DYNC2I2: variants seen among roughly 807,000 people sequenced by gnomAD.
DYNC2I2 encodes cytoplasmic dynein 2 intermediate chain 2.
Under a neutral mutation model 52.0 loss-of-function variants are expected in DYNC2I2, and 39 were observed. The observed-to-expected ratio is 0.75, with a 90% CI of 0.58 to 0.98. The LOEUF (loss-of-function observed/expected upper bound fraction) is 0.98, where lower values mean the gene tolerates loss of function less well. Among genes scored for constraint, DYNC2I2 ranks in the 50% least tolerant of loss-of-function variants. DYNC2I2 has a pLI of 0.00. For synonymous variants in DYNC2I2, 359 were observed against 321.1 expected, an observed-to-expected ratio of 1.12 and a Z score of -1.26; for missense variants, 743 against 728.4, an observed-to-expected ratio of 1.02 and a Z score of -0.23.
chr9:128,638,065 C>T lies in DYNC2I2; in HGVS notation c.436-1038G>A, dbSNP rs533196876. ...CAGTGTAGGCAAGATGGTGAAACCC[C>T]GTCTCTACCAAAAATACAAAAATTA... On this transcript the variant is annotated intron_variant, in intron 2 of 8. Coordinates refer to ENST00000372715, the MANE Select transcript of DYNC2I2 (RefSeq NM_052844.4). Among the ~76,000 whole-genome samples, 5 of 151,838 alleles carry T rather than the reference C, an allele frequency of 3.3e-5. No individual in the cohort carries two copies. In the South Asian group the frequency reaches 8.3e-4, roughly 25 times the overall value.
intron 1 of DYNC2I2, among the ~76,000 whole-genome samples, chr9:128,644,928 G>C (rs1860585283): frequency 6.6e-6 from 1 of 152,190 alleles, no homozygotes; most frequent in Non-Finnish European, 1.5e-5. Context: ...ACCACAAATT[G>C]TGCCTACATG....
the DYNC2I2 span, among the ~76,000 whole-genome samples, chr9:128,672,230 A>G: frequency 6.6e-6 from 1 of 151,628 alleles, no homozygotes; most frequent in Admixed American, 6.6e-5. Context: ...TCGGCCTCCC[A>G]AAGTGCTAGG....
chr9:128,665,769 CAAAA>C, the DYNC2I2 span, among the ~76,000 whole-genome samples: 6 of 72,166 alleles, frequency 8.3e-5, no homozygotes, highest in Non-Finnish European at 5.5e-5. Flanking sequence ...GACTCTGTGT[CAAAA>C]AAAAAAAAAA....
At chr9:128,660,229 C>T (rs1860902123), upstream of DYNC2I2, among the ~76,000 whole-genome samples, 1 of 151,816 alleles carries the variant, frequency 6.6e-6, no homozygotes, top group South Asian at 2.1e-4. Flanking sequence ...CTGCCTCGGC[C>T]TCCCAAGTAG....
chr9:128,643,864 C>A (rs1029685310), intron 1 of DYNC2I2, among the ~76,000 whole-genome samples: 1 of 152,148 alleles, frequency 6.6e-6, no homozygotes, highest in Non-Finnish European at 1.5e-5. Context: ...CAGCCACCCA[C>A]GGGGAGGCAC....
chr9:128,648,461 GC>G, intron 1 of DYNC2I2, among the ~76,000 whole-genome samples: 1 of 151,684 alleles, frequency 6.6e-6, no homozygotes, highest in South Asian at 2.1e-4. Flanking sequence ...CCTGGGCCGG[GC>G]CCGACCAAGC....
the DYNC2I2 span, among the ~76,000 whole-genome samples, chr9:128,678,381 A>G: frequency 4.0e-5 from 6 of 150,338 alleles, no homozygotes; most frequent in African/African-American, 1.5e-4. Flanking sequence ...TTTTTTTTTT[A>G]AAAGAGGCCA....
At chr9:128,673,727 C>T in the DYNC2I2 span, among the ~76,000 whole-genome samples, 1 of 151,562 alleles carries the variant, frequency 6.6e-6, no homozygotes, top group Non-Finnish European at 1.5e-5. Context: ...AGGATGGTCT[C>T]GATCTCCTGA....
the DYNC2I2 span, among the ~76,000 whole-genome samples, chr9:128,667,188 A>T: frequency 4.0e-5 from 6 of 151,640 alleles, no homozygotes; most frequent in African/African-American, 1.2e-4. Context: ...AACAGAGCAA[A>T]ACTCCATCTC....
chr9:128,661,567 G>A (rs111581049), upstream of DYNC2I2, among the ~76,000 whole-genome samples: 4,376 of 152,140 alleles, frequency 0.029, 229 homozygotes, highest in African/African-American at 0.1. Context: ...GGAGTGAGCC[G>A]AGATTGAGCC....
At chr9:128,647,695 G>GC (rs1860641565) in intron 1 of DYNC2I2, among the ~76,000 whole-genome samples, 1 of 141,588 alleles carries the variant, frequency 7.1e-6, no homozygotes, top group African/African-American at 2.6e-5. Context: ...TCACACCACT[G>GC]CCCTGCAGCC....
At chr9:128,666,333 G>C in the DYNC2I2 span, among the ~76,000 whole-genome samples, 1 of 142,008 alleles carries the variant, frequency 7.0e-6, no homozygotes, top group Non-Finnish European at 1.5e-5. Flanking sequence ...AGTGAACCAA[G>C]ATCGTGCCAC....
At chr9:128,672,298 T>TA in the DYNC2I2 span, among the ~76,000 whole-genome samples, 2 of 151,850 alleles carry the variant, frequency 1.3e-5, no homozygotes, top group Non-Finnish European at 2.9e-5. Flanking sequence ...AGAGACAGGG[T>TA]TTCACCTTGT....
rs1860496232 is a variant in DYNC2I2 at position 128,640,661 on chromosome 9, GACCCGAGGCTGC to G, written c.435+18_435+29del. 6 of 1,598,640 alleles carry G rather than the reference GACCCGAGGCTGC, an allele frequency of 3.8e-6. No homozygotes were observed. The African/African-American group carries it at 6.7e-5, about 18-fold the overall frequency. ...GGAGACAGAAGTGGGGCAGGGGCTC[GACCCGAGGCTGC>G]ACCAGCCCATCCCCTACCATCTGCT... On this transcript the variant is annotated intron_variant, in intron 2 of 8. Coordinates refer to ENST00000372715, the MANE Select transcript of DYNC2I2 (RefSeq NM_052844.4).
chr9:128,653,530 C>G lies in DYNC2I2; in HGVS notation c.186+3011G>C, dbSNP rs1272125175. Among the ~76,000 whole-genome samples, 2 of 147,780 alleles carry G rather than the reference C, an allele frequency of 1.4e-5. 1 individual carries two copies. Among genetic ancestry groups the G allele is most frequent in the African/African-American group, 5.2e-5 (2 of 38,694 alleles). ...GAGATAAAGACTATCCTGGCTAACA[C>G]AGAGAAACCCCACCTCTACTAAAAA... is the stretch of plus-strand genomic sequence containing the variant. On this transcript the variant is annotated intron_variant, in intron 1 of 8. Coordinates refer to ENST00000372715, the MANE Select transcript of DYNC2I2 (RefSeq NM_052844.4).
chr9:128,677,872 T>A, the DYNC2I2 span, among the ~76,000 whole-genome samples: 1 of 152,066 alleles, frequency 6.6e-6, no homozygotes, highest in Non-Finnish European at 1.5e-5. Context: ...ATCCTTGTCC[T>A]CTCACCTCTG....
At chr9:128,666,528 G>A in the DYNC2I2 span, among the ~76,000 whole-genome samples, 5 of 151,906 alleles carry the variant, frequency 3.3e-5, no homozygotes, top group Non-Finnish European at 7.4e-5. Flanking sequence ...TTGGGAGGCT[G>A]AGGTGGGCGG....
the DYNC2I2 span, among the ~76,000 whole-genome samples, chr9:128,662,882 G>A: frequency 1.3e-5 from 2 of 148,324 alleles, no homozygotes; most frequent in African/African-American, 2.5e-5. Context: ...CTTTTGAGAC[G>A]GAGTTTCTGC....
intron 1 of DYNC2I2, among the ~76,000 whole-genome samples, chr9:128,641,867 C>G (rs1860519776): frequency 6.6e-6 from 1 of 152,056 alleles, no homozygotes; most frequent in African/African-American, 2.4e-5. Context: ...CTCTGCTTGT[C>G]TGTGTCCTAC....
Sources: allele counts gnomAD v4.1 joint callset (sites outside exome capture counted in the v4.1 genomes callset), GRCh38; gene constraint gnomAD v4.1.1; transcripts MANE v1.5; gene names NCBI Gene and HGNC (gene_info 2026-07-23, HGNC 2026-07-21).